The following POFUT3 variants were observed in gnomAD, a reference collection of about 807,000 sequenced individuals.
The protein encoded by POFUT3 is GDP-fucose protein O-fucosyltransferase 3.
At chr8:33,357,033 C>T in the POFUT3 span, among the ~76,000 whole-genome samples, 10 of 152,080 alleles carry the variant, frequency 6.6e-5, no homozygotes, top group African/African-American at 2.4e-4. Flanking sequence ...TGATCTATAT[C>T]TCTGTTTTGG....
At chr8:33,467,260 G>A in the POFUT3 span, among the ~76,000 whole-genome samples, 11,048 of 124,944 alleles carry the variant, frequency 0.088, 978 homozygotes, top group African/African-American at 0.25. Flanking sequence ...GCGACGGAGC[G>A]AGACTCTGTC....
At chr8:33,423,983 A>G in the POFUT3 span, among the ~76,000 whole-genome samples, 1 of 152,118 alleles carries the variant, frequency 6.6e-6, no homozygotes, top group Admixed American at 6.5e-5. Flanking sequence ...TACTAAAAAT[A>G]CAAAAATTAG....
At chr8:33,329,289 C>T in the POFUT3 span, among the ~76,000 whole-genome samples, 1 of 152,142 alleles carries the variant, frequency 6.6e-6, no homozygotes, top group Non-Finnish European at 1.5e-5. Context: ...GCATACTTAT[C>T]TATGGGAAAA....
chr8:33,347,193 C>T, the POFUT3 span, among the ~76,000 whole-genome samples: 7 of 152,244 alleles, frequency 4.6e-5, no homozygotes, highest in South Asian at 6.2e-4. Flanking sequence ...CCTTGATCCC[C>T]GCAATCAACA....
chr8:33,310,690 CAA>C, the POFUT3 span, among the ~76,000 whole-genome samples: 18 of 128,016 alleles, frequency 1.4e-4, no homozygotes, highest in Admixed American at 2.4e-4. Flanking sequence ...GACTCCATCT[CAA>C]AAAAAAAAAA....
At chr8:33,466,643 A>G in the POFUT3 span, among the ~76,000 whole-genome samples, 4 of 152,166 alleles carry the variant, frequency 2.6e-5, no homozygotes, top group African/African-American at 9.7e-5. Flanking sequence ...CTAATACTGT[A>G]TATGGTATTA....
chr8:33,368,232 C>G, the POFUT3 span, among the ~76,000 whole-genome samples: 6 of 152,160 alleles, frequency 3.9e-5, no homozygotes, highest in Non-Finnish European at 8.8e-5. Context: ...CTTTGGGATA[C>G]AGCCACACCT....
the POFUT3 span, chr8:33,461,595 T>A: frequency 1.3e-6 from 2 of 1,538,198 alleles, no homozygotes; most frequent in African/African-American, 2.7e-5. Flanking sequence ...GGACCAGGTC[T>A]CCATGAAGGA....
the POFUT3 span, among the ~76,000 whole-genome samples, chr8:33,327,751 T>C: frequency 6.6e-6 from 1 of 152,244 alleles, no homozygotes; most frequent in Non-Finnish European, 1.5e-5. Context: ...AGTTGATTTT[T>C]GCAGATGAAG....
chr8:33,387,969 T>C, the POFUT3 span, among the ~76,000 whole-genome samples: 2 of 152,228 alleles, frequency 1.3e-5, no homozygotes, highest in South Asian at 4.1e-4. Flanking sequence ...AAATTTCCTT[T>C]GAACAAATTA....
the POFUT3 span, among the ~76,000 whole-genome samples, chr8:33,354,394 T>A: frequency 2.6e-5 from 4 of 152,050 alleles, no homozygotes; most frequent in African/African-American, 4.8e-5. Flanking sequence ...AAGCCCCGGT[T>A]TGAGTCTGAG....
chr8:33,380,178 A>ATATATATATAC, the POFUT3 span, among the ~76,000 whole-genome samples: 7 of 53,898 alleles, frequency 1.3e-4, no homozygotes, highest in Admixed American at 2.4e-4. Context: ...TATATATACT[A>ATATATATATAC]TATATATATA....
the POFUT3 span, among the ~76,000 whole-genome samples, chr8:33,409,496 G>A: frequency 1.3e-5 from 2 of 152,108 alleles, no homozygotes; most frequent in Admixed American, 6.6e-5. Flanking sequence ...AAAATTCATC[G>A]GAATTTGTCC....
At chr8:33,419,123 A>C in the POFUT3 span, among the ~76,000 whole-genome samples, 384 of 152,362 alleles carry the variant, frequency 2.5e-3, 4 homozygotes, top group African/African-American at 8.9e-3. Flanking sequence ...GTACAAACAC[A>C]GAATGAGGTA....
At chr8:33,454,957 C>T in the POFUT3 span, among the ~76,000 whole-genome samples, 3 of 152,224 alleles carry the variant, frequency 2.0e-5, no homozygotes, top group East Asian at 1.9e-4. Flanking sequence ...TGAGCCACCA[C>T]GCCCAGCCAG....
the POFUT3 span, among the ~76,000 whole-genome samples, chr8:33,352,743 C>A: frequency 6.6e-6 from 1 of 152,198 alleles, no homozygotes; most frequent in Non-Finnish European, 1.5e-5. Flanking sequence ...TCTCTCTTTT[C>A]TTTGTTAGAT....
At chr8:33,456,117 TG>T in the POFUT3 span, among the ~76,000 whole-genome samples, 1 of 151,924 alleles carries the variant, frequency 6.6e-6, no homozygotes, top group Non-Finnish European at 1.5e-5. Context: ...GTTTGATCCA[TG>T]GGAGATGACT....
At chr8:33,321,183 C>T in the POFUT3 span, among the ~76,000 whole-genome samples, 6 of 152,116 alleles carry the variant, frequency 3.9e-5, no homozygotes, top group South Asian at 1.0e-3. Context: ...GTATAGTTCC[C>T]GAGGTGCAAG....
chr8:33,379,845 A>ATATATATATATATATATAT, the POFUT3 span, among the ~76,000 whole-genome samples: 3 of 45,268 alleles, frequency 6.6e-5, no homozygotes, highest in East Asian at 1.8e-3. Flanking sequence ...AAAAAAAAAA[A>ATATATATATATATATATAT]AATATATATA....
Sources: allele counts gnomAD v4.1 joint callset (sites outside exome capture counted in the v4.1 genomes callset), GRCh38; gene constraint gnomAD v4.1.1; transcripts MANE v1.5; gene names NCBI Gene and HGNC (gene_info 2026-07-23, HGNC 2026-07-21).